The following UBR3 variants were observed in gnomAD, a reference collection of about 807,000 sequenced individuals.
UBR3 encodes E3 ubiquitin-protein ligase UBR3.
A neutral mutation model predicts 243.2 loss-of-function variants in UBR3; 85 were observed. The observed-to-expected ratio is 0.35, with a 90% CI of 0.29 to 0.42. The LOEUF is 0.42. Among genes scored for constraint, UBR3 ranks in the 10% least tolerant of loss-of-function variants. The probability of loss-of-function intolerance (pLI) is 1.00; values close to 1 mark genes in which losing one functional copy is unlikely to be tolerated. For synonymous variants in UBR3, 748 were observed against 799.8 expected (o/e 0.94, Z 1.09); for missense variants, 1,686 against 2,300.8 (o/e 0.73, Z 5.47).
chr2:169,867,633 A>G (rs2083303220), intron 1 of UBR3, among the ~76,000 whole-genome samples: 1 of 152,238 alleles, frequency 6.6e-6, no homozygotes, highest in Non-Finnish European at 1.5e-5. Flanking sequence ...TTCCATGTAT[A>G]CAACAAAAAT....
chr2:170,053,669 G>A (rs935000920), intron 32 of UBR3, among the ~76,000 whole-genome samples: 1 of 152,338 alleles, frequency 6.6e-6, no homozygotes, highest in Admixed American at 6.5e-5. Flanking sequence ...AGAAAGGATG[G>A]AAGTCTAGTC....
At chr2:169,991,614 A>C (rs2089276691) in intron 25 of UBR3, among the ~76,000 whole-genome samples, 1 of 152,050 alleles carries the variant, frequency 6.6e-6, no homozygotes, top group Non-Finnish European at 1.5e-5. Context: ...ATGGAGTCTC[A>C]CTCTGTCATG....
rs949659257 is a variant in UBR3 at position 169,926,688 on chromosome 2, A to G, written c.2152-4A>G. 9 of 1,542,654 alleles carry G rather than the reference A, an allele frequency of 5.8e-6. No homozygotes were observed. Among genetic ancestry groups the G allele is most frequent in the Middle Eastern group, 3.4e-4 (2 of 5,956 alleles). On this transcript the variant is annotated splice_polypyrimidine_tract_variant and splice_region_variant and intron_variant, in intron 14 of 38. Transcript: ENST00000272793. ...GAAATAAAGCATTTTGTTTTCTTTT[A>G]AAGGTTTGTGCTTCTAGACTTGACC...
intron 19 of UBR3, among the ~76,000 whole-genome samples, chr2:169,937,041 A>T (rs1346949549): frequency 6.6e-6 from 1 of 152,208 alleles, no homozygotes; most frequent in Non-Finnish European, 1.5e-5. Context: ...ATACCCAGTA[A>T]TAGGATGGCT....
At chr2:169,882,335 ATATAATATATATGTAAATATATAT>A in intron 5 of UBR3, among the ~76,000 whole-genome samples, 1 of 137,932 alleles carries the variant, frequency 7.2e-6, no homozygotes, top group Admixed American at 7.7e-5. Context: ...TATATGTATT[ATATAATATATATGTAAATATATAT>A]TATATATGTA....
chr2:170,058,382 C>G (rs1253648161), intron 33 of UBR3, among the ~76,000 whole-genome samples: 1 of 152,144 alleles, frequency 6.6e-6, no homozygotes, highest in Non-Finnish European at 1.5e-5. Flanking sequence ...AAAAAGTCAT[C>G]ATTCCAGTTA....
chr2:170,073,568 G>A lies in UBR3; in HGVS notation c.5160G>A (p.Glu1720=). The A allele has an allele frequency of 1.9e-6, 3 of 1,613,214 alleles. No homozygotes were observed. The highest frequency in any genetic ancestry group is 1.1e-5 in the South Asian group (1 of 90,964). The change falls in exon 36 of 39, where the codon GAG becomes GAA. Residue 1720 remains glutamate, a synonymous_variant. Coordinates refer to ENST00000272793, the MANE Select transcript of UBR3 (RefSeq NM_172070.4). ...ATATTATAACTCAGTGGTGTTTTGA[G>A]ATAAAATCATTTACTGAAAGACATG... The part of the protein sequence containing the change: ...AFDIITQWCF[E]IKSFTERHAE...
chr2:170,021,575 G>T (rs537260145), intron 30 of UBR3, among the ~76,000 whole-genome samples: 1 of 152,110 alleles, frequency 6.6e-6, no homozygotes, highest in Non-Finnish European at 1.5e-5. Context: ...TAACCTTGGG[G>T]TTAGGACTTC....
chr2:169,997,089 A>G (rs2089513987), intron 26 of UBR3, among the ~76,000 whole-genome samples: 1 of 149,842 alleles, frequency 6.7e-6, no homozygotes, highest in Non-Finnish European at 1.5e-5. Context: ...ATTGGGAAAC[A>G]ATGCTAAGTT....
chr2:170,041,603 CT>C (rs1169219401), intron 32 of UBR3, among the ~76,000 whole-genome samples: 1 of 152,150 alleles, frequency 6.6e-6, no homozygotes, highest in African/African-American at 2.4e-5. Flanking sequence ...GCTCCTTGGT[CT>C]TTGTAGCTTT....
chr2:169,969,734 A>G (rs1362046951), intron 24 of UBR3, among the ~76,000 whole-genome samples: 1 of 151,574 alleles, frequency 6.6e-6, no homozygotes, highest in Non-Finnish European at 1.5e-5. Flanking sequence ...TATTTTTAGT[A>G]GAGATGGGGT....
chr2:169,974,287 T>C (rs1018488876), intron 24 of UBR3, among the ~76,000 whole-genome samples: 6 of 152,196 alleles, frequency 3.9e-5, no homozygotes, highest in African/African-American at 1.4e-4. Flanking sequence ...AGTGAAGTCA[T>C]GTGGTCCTGG....
chr2:169,876,140 G>A (rs2083596235), intron 3 of UBR3, among the ~76,000 whole-genome samples, 191 bp downstream of exon 3: 2 of 148,582 alleles, frequency 1.3e-5, no homozygotes, highest in Admixed American at 6.8e-5. Flanking sequence ...CTGGAGTGCA[G>A]TGGCGCAATC....
chr2:170,040,780 A>G (rs1228195844), intron 31 of UBR3, 102 bp from the exon 32 acceptor site: 1 of 943,806 alleles, frequency 1.1e-6, no homozygotes, highest in Non-Finnish European at 1.5e-6. Context: ...TTTGTGTATT[A>G]AAGTTTTTAT....
Position 169,872,096 on chromosome 2 carries a change from C to T in UBR3, c.546-140C>T, listed in dbSNP as rs1216644772. The T allele has an allele frequency of 1.0e-5, 6 of 597,150 alleles. 1 individual carries two copies. The highest frequency in any genetic ancestry group is 8.6e-5 in the Admixed American group (2 of 23,136). 37.0% of individuals were successfully genotyped at this position (597,150 alleles called of 1,614,324 possible). A position where few individuals can be genotyped will look rare whatever the true frequency, so the allele number is the denominator to read the frequency against. ...TTGTATAAACACTGGTTTAAAATTA[C>T]ATTCTTTTAACCTGGTACCTTAAAA... On this transcript the variant is annotated intron_variant, in intron 1 of 38. Transcript: ENST00000272793.
chr2:170,007,120 C>G lies in UBR3; in HGVS notation c.4160C>G (p.Pro1387Arg), dbSNP rs981613480. The G allele has an allele frequency of 3.7e-6, 6 of 1,613,412 alleles. No individual in the cohort carries two copies. In the East Asian group the frequency reaches 6.7e-5, roughly 18 times the overall value. Residue 1387 changes from proline (P) to arginine (R), a missense_variant, in exon 28 of 39, where the codon CCT becomes CGT. Physicochemically the swap from Pro to Arg is moderately radical, Grantham distance 103 (BLOSUM62 -2). This residue lies in a region of UBR3 where 371 missense variants were observed against 422.5 expected (regional missense o/e 0.88). Coordinates refer to ENST00000272793, the MANE Select transcript of UBR3 (RefSeq NM_172070.4). ...GTGGAAAATAACCCTTGGCAACGTCCTAGCAACAAAAGCATACAAGATCTC... is the reference window on the plus strand; with the variant it reads ...GTGGAAAATAACCCTTGGCAACGTCGTAGCAACAAAAGCATACAAGATCTC... ...SNVENNPWQR[P>R]SNKSIQDLIK...
At chr2:170,008,247 T>C (rs1297687060) in intron 28 of UBR3, among the ~76,000 whole-genome samples, 2 of 152,196 alleles carry the variant, frequency 1.3e-5, no homozygotes, top group Non-Finnish European at 2.9e-5. Flanking sequence ...CTGTGTCTGG[T>C]TTATGTAGTA....
chr2:169,919,108 T>C (rs1282558201), intron 11 of UBR3, among the ~76,000 whole-genome samples: 4 of 152,136 alleles, frequency 2.6e-5, no homozygotes, highest in Non-Finnish European at 5.9e-5. Flanking sequence ...GAATAGTGTA[T>C]ACAAAGGCAC....
rs548847295 is a variant in UBR3, at chr2:169,984,662, C to T, written c.3635-1983C>T. ...TTACTAAAAATGTCAGAATTTGGTA[C>T]TGGAATGATAGAATCAACCATATAT... On this transcript the variant is annotated intron_variant, in intron 24 of 38. Transcript: ENST00000272793. Among the ~76,000 whole-genome samples the T allele has an allele frequency of 3.3e-5, 5 of 152,142 alleles. No individual in the cohort carries two copies. In the South Asian group the frequency reaches 8.3e-4, roughly 25 times the overall value.
Sources: gnomAD v4.1 joint callset for allele counts (sites outside exome capture counted in the v4.1 genomes callset) on GRCh38, gnomAD v4.1.1 for gene constraint, gnomAD v4.1.1 regional missense constraint, MANE v1.5 for transcripts, NCBI Gene and HGNC (gene_info 2026-07-23, HGNC 2026-07-21) for gene names.